IL1RAPL2: variants seen among roughly 807,000 people sequenced by gnomAD.
IL1RAPL2 encodes the protein interleukin 1 receptor accessory protein like 2.
A neutral mutation model predicts 44.1 loss-of-function variants in IL1RAPL2; 3 were observed. That is an observed-to-expected ratio of 0.07 (90% CI 0.03 to 0.18). The LOEUF is 0.18. Ranked by LOEUF, IL1RAPL2 falls within the 10% of genes least tolerant of loss-of-function variation. IL1RAPL2 has a pLI of 1.00. For missense variants in IL1RAPL2, 391 were observed against 496.4 expected, an observed-to-expected ratio of 0.79 and a Z score of 2.02; for synonymous variants, 181 against 178.8, an observed-to-expected ratio of 1.01 and a Z score of -0.10.
intron 4 of IL1RAPL2, among the ~76,000 whole-genome samples, chrX:105,239,304 G>A (rs1556205326): frequency 8.9e-6 from 1 of 111,793 alleles, no homozygotes; most frequent in African/African-American, 3.3e-5. Context: ...CTTTACAGTA[G>A]AATCAGTTAT....
At chrX:105,387,075 T>C (rs977849177) in intron 5 of IL1RAPL2, among the ~76,000 whole-genome samples, 2 of 111,774 alleles carry the variant, frequency 1.8e-5, no homozygotes, top group African/African-American at 3.2e-5. Flanking sequence ...CTTACTGATA[T>C]AATGTTTACT....
At chrX:105,046,344 T>C (rs749163592) in intron 2 of IL1RAPL2, among the ~76,000 whole-genome samples, 2 of 111,844 alleles carry the variant, frequency 1.8e-5, no homozygotes, top group African/African-American at 6.5e-5. Flanking sequence ...GAATGACTCT[T>C]ACCCTATCTT....
chrX:104,754,683 A>T (rs915772928), intron 2 of IL1RAPL2, among the ~76,000 whole-genome samples: 13 of 112,007 alleles, frequency 1.2e-4, no homozygotes, highest in African/African-American at 4.2e-4. Context: ...ATATCTGGTT[A>T]TATTATTGTA....
intron 2 of IL1RAPL2, among the ~76,000 whole-genome samples, chrX:104,724,107 G>A (rs73523354): frequency 0.021 from 2,358 of 111,372 alleles, 56 homozygotes; most frequent in African/African-American, 0.073. Context: ...AACAGGCTTT[G>A]AGAACAAAAG....
chrX:105,332,704 G>A (rs111736140), intron 5 of IL1RAPL2, among the ~76,000 whole-genome samples: 6,928 of 111,650 alleles, frequency 0.062, 503 homozygotes, highest in African/African-American at 0.21. Flanking sequence ...AAAATCAGTA[G>A]CATTTCTAAT....
chrX:105,706,902 G>A (rs1262950884), intron 6 of IL1RAPL2, among the ~76,000 whole-genome samples: 1 of 111,189 alleles, frequency 9.0e-6, no homozygotes, highest in Non-Finnish European at 1.9e-5. Context: ...TCAAAGAACA[G>A]AACAAAAATA....
intron 1 of IL1RAPL2, among the ~76,000 whole-genome samples, chrX:104,623,980 A>T (rs1008798398): frequency 8.9e-6 from 1 of 111,827 alleles, no homozygotes; most frequent in Non-Finnish European, 1.9e-5. Context: ...GAAGTCCTCA[A>T]CTTGAGTATA....
At chrX:104,572,889 G>T (rs372615843) in intron 1 of IL1RAPL2, among the ~76,000 whole-genome samples, 1 of 112,215 alleles carries the variant, frequency 8.9e-6, no homozygotes, top group African/African-American at 3.2e-5. Flanking sequence ...GGTGTGAACC[G>T]CTGTGCTCAG....
chrX:105,625,983 T>C (rs1156946236), intron 6 of IL1RAPL2, among the ~76,000 whole-genome samples: 4 of 111,890 alleles, frequency 3.6e-5, no homozygotes, highest in African/African-American at 1.3e-4. Context: ...TCTGAATTTA[T>C]AGCACATTGA....
chrX:105,472,834 A>T (rs1458182159), intron 5 of IL1RAPL2, among the ~76,000 whole-genome samples: 1 of 112,008 alleles, frequency 8.9e-6, no homozygotes, highest in African/African-American at 3.2e-5. Flanking sequence ...GGAAAGTAAA[A>T]CTACTTTATT....
At chrX:105,570,337 C>A (rs1468940960) in intron 6 of IL1RAPL2, among the ~76,000 whole-genome samples, 1 of 111,943 alleles carries the variant, frequency 8.9e-6, no homozygotes, top group Non-Finnish European at 1.9e-5. Context: ...TGATGTATAT[C>A]CACTCGTTGG....
intron 2 of IL1RAPL2, among the ~76,000 whole-genome samples, chrX:104,846,131 T>C (rs1278584722): frequency 2.7e-5 from 3 of 111,747 alleles, no homozygotes; most frequent in Non-Finnish European, 5.6e-5. Flanking sequence ...AGCTAGCTGG[T>C]ACAAAGTTTA....
chrX:105,467,174 A>C lies in IL1RAPL2; in HGVS notation c.698-17139A>C, dbSNP rs919010103. On this transcript the variant is annotated intron_variant, in intron 5 of 10. Coordinates refer to ENST00000372582, the MANE Select transcript of IL1RAPL2 (RefSeq NM_017416.2). ...AAGTACATGAACTGGAATAAGGTGA[A>C]GCTTTCATTCACTGAAAAATATCAA... 6.3e-5 allele frequency among the ~76,000 whole-genome samples: 7 copies of C among 111,984 alleles called. No homozygotes were observed. In the East Asian group the frequency reaches 2.0e-3, roughly 32 times the overall value.
chrX:105,457,887 AC>A (rs1406931892), intron 5 of IL1RAPL2, among the ~76,000 whole-genome samples: 1 of 110,777 alleles, frequency 9.0e-6, no homozygotes, highest in Non-Finnish European at 1.9e-5. Flanking sequence ...TTTTTGAGAA[AC>A]CACCAAATGG....
intron 5 of IL1RAPL2, among the ~76,000 whole-genome samples, chrX:105,408,899 C>T (rs2035671226): frequency 9.2e-6 from 1 of 109,206 alleles, no homozygotes; most frequent in African/African-American, 3.3e-5. Context: ...AAGAGTGAAA[C>T]CCAGGTTTTA....
intron 2 of IL1RAPL2, among the ~76,000 whole-genome samples, chrX:104,775,169 C>T (rs1293521465): frequency 1.8e-5 from 2 of 112,466 alleles, no homozygotes; most frequent in African/African-American, 6.5e-5. Flanking sequence ...ACCTTACCAT[C>T]TTAAAGCTAC....
intron 2 of IL1RAPL2, among the ~76,000 whole-genome samples, chrX:104,977,335 C>G (rs1323957395): frequency 1.8e-5 from 2 of 112,168 alleles, no homozygotes; most frequent in Non-Finnish European, 3.8e-5. Flanking sequence ...CACTCAGCTC[C>G]ACTGCCCACT....
At chrX:104,762,745 G>T (rs749809728) in intron 2 of IL1RAPL2, among the ~76,000 whole-genome samples, 2 of 111,954 alleles carry the variant, frequency 1.8e-5, no homozygotes, top group African/African-American at 6.5e-5. Flanking sequence ...GGTCAAGAAG[G>T]TTTGAGACTT....
chrX:104,723,088 G>A, intron 2 of IL1RAPL2, among the ~76,000 whole-genome samples: 1 of 110,737 alleles, frequency 9.0e-6, no homozygotes, highest in East Asian at 2.9e-4. Context: ...ACTGGTGTAG[G>A]CATTTCAGTT....
Sources: gnomAD v4.1 joint callset for allele counts (sites outside exome capture counted in the v4.1 genomes callset) on GRCh38, gnomAD v4.1.1 for gene constraint, MANE v1.5 for transcripts, NCBI Gene and HGNC (gene_info 2026-07-23, HGNC 2026-07-21) for gene names.